The following FERMT1 variants were observed in gnomAD, a reference collection of about 807,000 sequenced individuals.
The protein encoded by FERMT1 is FERM domain containing kindlin 1, also known as fermitin family homolog 1.
A neutral mutation model predicts 85.3 loss-of-function variants in FERMT1; 60 were observed. The observed-to-expected ratio is 0.70, with a 90% confidence interval of 0.57 to 0.87. FERMT1 has a LOEUF of 0.87. Among genes scored for constraint, FERMT1 ranks in the 40% least tolerant of loss-of-function variants. The pLI is 0.00. For synonymous variants in FERMT1, 275 were observed against 301.1 expected, an observed-to-expected ratio of 0.91 and a Z score of 0.90; for missense variants, 701 against 818.9, an observed-to-expected ratio of 0.86 and a Z score of 1.76.
intron 9 of FERMT1, among the ~76,000 whole-genome samples, chr20:6,090,098 C>T (rs376097942): frequency 3.3e-5 from 5 of 151,706 alleles, no homozygotes; most frequent in Admixed American, 6.6e-5. Flanking sequence ...TTTTTGGAGA[C>T]GGAGTCTCGC....
intron 11 of FERMT1, among the ~76,000 whole-genome samples, chr20:6,085,864 G>A (rs533454662): frequency 1.1e-4 from 16 of 150,386 alleles, no homozygotes; most frequent in Admixed American, 3.3e-4. Context: ...AAAAATACCA[G>A]GTGTGGTGGC....
rs972716012 is a variant in FERMT1 at position 6,100,124 on chromosome 20, G to GA, written c.850-2494dup. Among the ~76,000 whole-genome samples the GA allele has an allele frequency of 3.9e-4, 60 of 151,948 alleles. No homozygotes were observed. The East Asian group carries it at 4.6e-3, about 12-fold the overall frequency. ...TATATTTTACAATAAAAAAGTCAAA[G>GA]AAAAAATCCCAAATGTATACATGAA... On this transcript the variant is annotated intron_variant, in intron 6 of 14. Coordinates refer to ENST00000217289, the MANE Select transcript of FERMT1 (RefSeq NM_017671.5).
chr20:6,076,943 T>G lies in FERMT1; in HGVS notation c.*230A>C, dbSNP rs1332458423. On this transcript the variant is annotated 3_prime_UTR_variant, in exon 15 of 15. Coordinates refer to ENST00000217289, the MANE Select transcript of FERMT1 (RefSeq NM_017671.5). Reference sequence around the variant, plus strand: ...TTAGGGCACCTGCTTTTCTCCTGCCTACCCATTTTATAGAAAAAACAAGAG... The same window carrying G: ...TTAGGGCACCTGCTTTTCTCCTGCCGACCCATTTTATAGAAAAAACAAGAG... 7 of 569,640 alleles carry G rather than the reference T, an allele frequency of 1.2e-5. No individual in the cohort carries two copies. Among genetic ancestry groups the G allele is most frequent in the Non-Finnish European group, 2.2e-5 (7 of 317,738 alleles). 35.3% of individuals were successfully genotyped at this position (569,640 alleles called of 1,614,324 possible). A position where few individuals can be genotyped will look rare whatever the true frequency, so the allele number is the denominator to read the frequency against.
chr20:6,100,290 T>C (rs1010230725), intron 6 of FERMT1, among the ~76,000 whole-genome samples: 2 of 152,114 alleles, frequency 1.3e-5, no homozygotes, highest in Non-Finnish European at 2.9e-5. Context: ...CATGCTACAA[T>C]AGGAATGAAT....
intron 13 of FERMT1, among the ~76,000 whole-genome samples, chr20:6,080,125 T>C (rs780783185): frequency 2.0e-5 from 3 of 152,014 alleles, no homozygotes; most frequent in Non-Finnish European, 4.4e-5. Flanking sequence ...GAAAGAGTAT[T>C]CCAGGCAGAG....
intron 3 of FERMT1, among the ~76,000 whole-genome samples, chr20:6,115,099 T>G (rs755984241): frequency 6.6e-5 from 10 of 152,186 alleles, no homozygotes; most frequent in Admixed American, 1.3e-4. Flanking sequence ...TCACTATATA[T>G]CACTATATAT....
At chr20:6,083,988 G>C (rs753928) in intron 13 of FERMT1, 52 bp downstream of exon 13, 3 of 1,610,246 alleles carry the variant, frequency 1.9e-6, no homozygotes, top group African/African-American at 1.3e-5. Context: ...CTCCCCAAAA[G>C]CCACTTAAAA....
Position 6,113,184 on chromosome 20 carries a change from G to C in FERMT1, c.386-561C>G, listed in dbSNP as rs527664535. Among the ~76,000 whole-genome samples the C allele has an allele frequency of 7.9e-5, 12 of 152,268 alleles. No homozygotes were observed. In the South Asian group the frequency reaches 2.5e-3, roughly 32 times the overall value. Reference sequence around the variant, plus strand: ...TTTTATAGGGTGTTTCCCCGCACAAGCTCTCTCTTTGCCTGCTGCCATCCA... The same window carrying C: ...TTTTATAGGGTGTTTCCCCGCACAACCTCTCTCTTTGCCTGCTGCCATCCA... On this transcript the variant is annotated intron_variant, in intron 3 of 14. Coordinates refer to ENST00000217289, the MANE Select transcript of FERMT1 (RefSeq NM_017671.5).
intron 9 of FERMT1, among the ~76,000 whole-genome samples, chr20:6,089,792 A>G (rs535430295): frequency 3.9e-5 from 6 of 152,366 alleles, no homozygotes; most frequent in South Asian, 4.1e-4. Context: ...TTGGGGCCAG[A>G]AAACTTTATA....
Position 6,077,169 on chromosome 20 carries a change from T to C in FERMT1, c.*4A>G, listed in dbSNP as rs1278606874. The C allele has an allele frequency of 6.2e-7, 1 of 1,613,716 alleles. No individual in the cohort carries two copies. Among genetic ancestry groups the C allele is most frequent in the Non-Finnish European group, 8.5e-7 (1 of 1,180,024 alleles). On this transcript the variant is annotated 3_prime_UTR_variant, in exon 15 of 15. Coordinates refer to ENST00000217289, the MANE Select transcript of FERMT1 (RefSeq NM_017671.5). ...TTGGTGTGAGCCGAGCACGCGTGCT[T>C]GTTTCAATCCTGACCGCCGGTCAAT...
At chr20:6,087,713 T>G in intron 11 of FERMT1, 64 bp downstream of exon 11, 1 of 873,756 alleles carries the variant, frequency 1.1e-6, no homozygotes, top group Non-Finnish European at 2.0e-6. Context: ...TGAAAACATT[T>G]TTGGGTTTTG....
chr20:6,119,652 C>A (rs200996012), intron 1 of FERMT1, 80 bp from the exon 2 acceptor site: 1 of 1,256,164 alleles, frequency 8.0e-7, no homozygotes, highest in African/African-American at 1.5e-5. Context: ...AGCAAAATTT[C>A]TTTTTTGTTT....
intron 8 of FERMT1, 71 bp from the exon 9 acceptor site, chr20:6,095,059 C>A (rs558657858): frequency 2.4e-6 from 2 of 828,624 alleles, no homozygotes; most frequent in Admixed American, 1.7e-5. Flanking sequence ...CCTGCACTGT[C>A]TAATATGGCA....
chr20:6,087,957 A>G, intron 10 of FERMT1, 74 bp from the exon 11 acceptor site: 1 of 880,416 alleles, frequency 1.1e-6, no homozygotes, highest in South Asian at 1.3e-5. Flanking sequence ...TGTATCTGAA[A>G]TAAAGACTTT....
chr20:6,113,565 T>G (rs1369783325), intron 3 of FERMT1, among the ~76,000 whole-genome samples: 1 of 152,224 alleles, frequency 6.6e-6, no homozygotes, highest in Non-Finnish European at 1.5e-5. Context: ...ACACCTGGCT[T>G]CTGGCGGAAT....
chr20:6,119,302 C>A (rs763943713), intron 2 of FERMT1, 102 bp downstream of exon 2: 27 of 1,168,560 alleles, frequency 2.3e-5, no homozygotes, highest in Non-Finnish European at 3.4e-5. Flanking sequence ...CTCTCCAGGG[C>A]ATTACAAGAT....
chr20:6,092,600 A>G (rs1323075491), intron 9 of FERMT1, among the ~76,000 whole-genome samples: 1 of 151,912 alleles, frequency 6.6e-6, no homozygotes, highest in Non-Finnish European at 1.5e-5. Context: ...CTGATTTCTC[A>G]AGAGATACTT....
intron 3 of FERMT1, among the ~76,000 whole-genome samples, chr20:6,114,241 A>G (rs1983038440): frequency 6.6e-6 from 1 of 152,236 alleles, no homozygotes; most frequent in South Asian, 2.1e-4. Context: ...CACTGTGAGC[A>G]CTAAAAGCAA....
At chr20:6,110,181 AC>A (rs1281404788) in intron 5 of FERMT1, 116 bp downstream of exon 5, 1 of 881,344 alleles carries the variant, frequency 1.1e-6, no homozygotes, top group Non-Finnish European at 1.9e-6. Flanking sequence ...ATCAGCACTA[AC>A]TTTTGCAAAT....
Sources: allele counts gnomAD v4.1 joint callset (sites outside exome capture counted in the v4.1 genomes callset), GRCh38; gene constraint gnomAD v4.1.1; transcripts MANE v1.5; gene names NCBI Gene and HGNC (gene_info 2026-07-23, HGNC 2026-07-21).